Variants in MXI1 observed in about 807,000 individuals in gnomAD.
The protein encoded by MXI1 is MAX interactor 1, dimerization protein.
MXI1 carries 18 observed loss-of-function variants against 36.9 expected under a neutral mutation model. The observed-to-expected ratio is 0.49, with a 90% confidence interval of 0.34 to 0.72. The LOEUF is 0.72. MXI1 is among the 30% of genes least tolerant of loss of function. The probability of loss-of-function intolerance (pLI) is 0.01; values close to 1 mark genes in which losing one functional copy is unlikely to be tolerated. For missense variants in MXI1, 304 were observed against 379.1 expected, an observed-to-expected ratio of 0.80 and a Z score of 1.64; for synonymous variants, 160 against 146.7, an observed-to-expected ratio of 1.09 and a Z score of -0.65.
intron 3 of MXI1, among the ~76,000 whole-genome samples, chr10:110,270,796 A>T (rs1034927986): frequency 6.6e-6 from 1 of 152,104 alleles, no homozygotes; most frequent in Non-Finnish European, 1.5e-5. Flanking sequence ...CTTCACTATT[A>T]AAAAAGGTGT....
intron 3 of MXI1, among the ~76,000 whole-genome samples, chr10:110,262,308 G>C (rs1484271042): frequency 6.6e-6 from 1 of 152,130 alleles, no homozygotes; most frequent in African/African-American, 2.4e-5. Context: ...TTAAGGTATA[G>C]AGGAGGATGT....
At chr10:110,269,837 G>C (rs1856801303) in intron 3 of MXI1, among the ~76,000 whole-genome samples, 1 of 152,192 alleles carries the variant, frequency 6.6e-6, no homozygotes, top group Admixed American at 6.5e-5. Flanking sequence ...GTCCCTGTGA[G>C]AGAATGCTTT....
At chr10:110,224,713 T>C (rs1026177022) in intron 1 of MXI1, among the ~76,000 whole-genome samples, 1 of 151,072 alleles carries the variant, frequency 6.6e-6, no homozygotes, top group African/African-American at 2.4e-5. Context: ...AGTGGCGTGA[T>C]CTCGGCTCAC....
chr10:110,245,759 G>A (rs1290766730), intron 3 of MXI1: 2 of 152,148 alleles, frequency 1.3e-5, no homozygotes, highest in Non-Finnish European at 2.9e-5. Context: ...GAATTGGTTG[G>A]TTGGGAGAAG....
At chr10:110,243,875 C>T (rs1485705528) in intron 2 of MXI1, among the ~76,000 whole-genome samples, 2 of 152,034 alleles carry the variant, frequency 1.3e-5, no homozygotes, top group Middle Eastern at 3.2e-3. Context: ...AGTATTTGGA[C>T]TCAGGCAGTT....
At chr10:110,234,708 T>C (rs1216974474) in intron 2 of MXI1, among the ~76,000 whole-genome samples, 1 of 152,202 alleles carries the variant, frequency 6.6e-6, no homozygotes, top group African/African-American at 2.4e-5. Context: ...AGAATATTGC[T>C]CTGTAATAGA....
chr10:110,276,088 AT>A (rs1439677083), intron 3 of MXI1, among the ~76,000 whole-genome samples: 3 of 152,190 alleles, frequency 2.0e-5, no homozygotes, highest in African/African-American at 4.8e-5. Flanking sequence ...AAACTAGCTG[AT>A]TATTTCCATA....
chr10:110,226,238 C>T, intron 1 of MXI1: 1 of 1,499,344 alleles, frequency 6.7e-7, no homozygotes, highest in Non-Finnish European at 8.9e-7. Context: ...GATCAACGTG[C>T]AGCGTCTGCT....
intron 4 of MXI1, 120 bp downstream of exon 4, chr10:110,279,414 G>A: frequency 1.3e-6 from 1 of 793,670 alleles, no homozygotes; most frequent in Non-Finnish European, 2.0e-6. Flanking sequence ...CTGACCTCAA[G>A]AGAAGTCTTT....
chr10:110,228,086 C>T (rs1855126233), intron 1 of MXI1, 103 bp from the exon 2 acceptor site: 4 of 1,321,166 alleles, frequency 3.0e-6, no homozygotes, highest in Admixed American at 1.8e-5. Context: ...TACCTCTTTT[C>T]CTGCTTTCAA....
rs898053057 is a variant in MXI1, at chr10:110,237,550, T to C, written c.408-7278T>C. On this transcript the variant is annotated intron_variant, in intron 2 of 5. Transcript: ENST00000332674. ...ATAAATCCTACTTATTCATGTTGTA[T>C]TTTGTACTGTTGCAGTACTGATACT... Among the ~76,000 whole-genome samples the C allele has an allele frequency of 3.3e-5, 5 of 152,238 alleles. No individual in the cohort carries two copies. In the South Asian group the frequency reaches 6.2e-4, roughly 19 times the overall value.
intron 1 of MXI1, among the ~76,000 whole-genome samples, chr10:110,219,213 T>G (rs1030891784): frequency 6.6e-6 from 1 of 152,090 alleles, no homozygotes; most frequent in Admixed American, 6.5e-5. Context: ...GGCAGGAGAA[T>G]TGCTTGAACC....
At chr10:110,243,091 G>A (rs1047876736) in intron 2 of MXI1, among the ~76,000 whole-genome samples, 18 of 151,812 alleles carry the variant, frequency 1.2e-4, no homozygotes, top group Non-Finnish European at 2.2e-4. Context: ...CTTCTAACTT[G>A]ACTGATTAAC....
intron 1 of MXI1, among the ~76,000 whole-genome samples, chr10:110,213,966 T>G (rs773106153): frequency 3.9e-5 from 6 of 152,222 alleles, no homozygotes; most frequent in Non-Finnish European, 8.8e-5. Context: ...ATTCATTATC[T>G]CCCCTGATCT....
At chr10:110,236,482 G>T (rs1485521165) in intron 2 of MXI1, among the ~76,000 whole-genome samples, 4 of 151,878 alleles carry the variant, frequency 2.6e-5, no homozygotes. Context: ...TTGAGACAGG[G>T]TTTCACTCTT....
intron 3 of MXI1, among the ~76,000 whole-genome samples, chr10:110,246,982 T>G (rs1342099412): frequency 6.6e-6 from 1 of 152,156 alleles, no homozygotes; most frequent in Non-Finnish European, 1.5e-5. Flanking sequence ...GGCCCATGGA[T>G]TAAATATTGA....
At chr10:110,235,777 G>A (rs1369435161) in intron 2 of MXI1, among the ~76,000 whole-genome samples, 2 of 151,946 alleles carry the variant, frequency 1.3e-5, no homozygotes, top group Non-Finnish European at 2.9e-5. Context: ...TTGGGAGGCC[G>A]AGGCAGGCGG....
chr10:110,241,822 T>C (rs1472202960), intron 2 of MXI1, among the ~76,000 whole-genome samples: 2 of 152,040 alleles, frequency 1.3e-5, no homozygotes, highest in Admixed American at 1.3e-4. Flanking sequence ...TATTAAATAC[T>C]TATTAGGAGC....
At chr10:110,234,490 T>A (rs1855386618) in intron 2 of MXI1, among the ~76,000 whole-genome samples, 1 of 152,178 alleles carries the variant, frequency 6.6e-6, no homozygotes, top group South Asian at 2.1e-4. Flanking sequence ...CCTATTTTTT[T>A]GAAGTTGCTC....
Sources: allele counts gnomAD v4.1 joint callset (sites outside exome capture counted in the v4.1 genomes callset), GRCh38; gene constraint gnomAD v4.1.1; transcripts MANE v1.5; gene names NCBI Gene and HGNC (gene_info 2026-07-23, HGNC 2026-07-21).